STON1: variants seen among roughly 807,000 people sequenced by gnomAD.
The protein encoded by STON1 is stonin-1.
In STON1, 79 loss-of-function variants were observed where a neutral mutation model predicts 60.9. The ratio of observed to expected loss-of-function variants is 1.30; its 90% CI spans 1.08 to 1.56. The LOEUF (loss-of-function observed/expected upper bound fraction) is 1.56. STON1 is among the 40% of genes most tolerant of loss of function. STON1 has a pLI of 0.00. For synonymous variants in STON1, 363 were observed against 306.9 expected (o/e 1.18, Z -1.91); for missense variants, 1,166 against 858.9 (o/e 1.36, Z -4.47).
chr2:48,549,230 T>C (rs1671990520), intron 1 of STON1, among the ~76,000 whole-genome samples: 2 of 152,198 alleles, frequency 1.3e-5, no homozygotes, highest in Admixed American at 6.5e-5. Flanking sequence ...CAGAAGAATT[T>C]ATCAAGTGCT....
chr2:48,579,081 G>A (rs1182526426), intron 1 of STON1, among the ~76,000 whole-genome samples: 1 of 150,790 alleles, frequency 6.6e-6, no homozygotes, highest in Non-Finnish European at 1.5e-5. Context: ...TCTGTTCACT[G>A]CAACCTCTGC....
rs775352255 is a variant in STON1, at chr2:48,581,813, G to C, written c.1180G>C (p.Glu394Gln). The C allele has an allele frequency of 6.2e-7, 1 of 1,614,216 alleles. No homozygotes were observed. Among genetic ancestry groups the C allele is most frequent in the South Asian group, 1.1e-5 (1 of 91,078 alleles). Residue 394 changes from glutamate to glutamine, a missense_variant, in exon 2 of 4, where the codon GAG (glutamate) becomes CAG (glutamine). By Grantham distance (29) the Glu-to-Gln change is conservative. Coordinates refer to ENST00000404752, the MANE Select transcript of STON1 (RefSeq NM_006873.4). ...HDFLDFLTTV[E>Q]EELMKLPAVS... is the part of the protein sequence containing the mutation. ...CTTCCTTGACTTTCTGACTACTGTG[G>C]AGGAGGAGCTGATGAAGTTGCCAGC...
intron 1 of STON1, among the ~76,000 whole-genome samples, chr2:48,544,183 T>C (rs1177518491): frequency 1.4e-5 from 2 of 146,490 alleles, no homozygotes; most frequent in Non-Finnish European, 3.0e-5. Context: ...TTCTCTGGAT[T>C]TTGTGTGTGT....
intron 1 of STON1, among the ~76,000 whole-genome samples, chr2:48,570,988 G>C (rs541913719): frequency 6.6e-6 from 1 of 150,880 alleles, no homozygotes; most frequent in African/African-American, 2.4e-5. Context: ...TCAGCCTCCC[G>C]AGTAGCTGTG....
intron 1 of STON1, among the ~76,000 whole-genome samples, chr2:48,571,042 G>T (rs1673183311): frequency 6.6e-6 from 1 of 151,962 alleles, no homozygotes; most frequent in South Asian, 2.1e-4. Flanking sequence ...TTTTGGTAGA[G>T]ACAGGGTTTC....
At chr2:48,565,725 CTAGAGTAG>C (rs1558608457) in intron 1 of STON1, among the ~76,000 whole-genome samples, 1 of 152,044 alleles carries the variant, frequency 6.6e-6, no homozygotes, top group Non-Finnish European at 1.5e-5. Context: ...GTTCTAAAGG[CTAGAGTAG>C]GGACAGAGGA....
At chr2:48,587,530 A>ACCTG (rs1674281296) in intron 2 of STON1, among the ~76,000 whole-genome samples, 2 of 152,056 alleles carry the variant, frequency 1.3e-5, no homozygotes, top group African/African-American at 4.8e-5. Flanking sequence ...TGACCTCGTG[A>ACCTG]CCTGCCCAGT....
At chr2:48,530,281 C>A (rs868798232) in intron 1 of STON1, 65 bp downstream of exon 1, 4 of 333,556 alleles carry the variant, frequency 1.2e-5, no homozygotes, top group African/African-American at 2.3e-5. Flanking sequence ...AGGGTGGGGC[C>A]TCCCGCCGTG....
chr2:48,558,178 G>A (rs938875387), intron 1 of STON1, among the ~76,000 whole-genome samples: 6 of 152,222 alleles, frequency 3.9e-5, no homozygotes, highest in Admixed American at 1.3e-4. Context: ...AGCCAAGATC[G>A]CACCATTGCA....
At chr2:48,591,613 C>T (rs116718991) in intron 2 of STON1, 40 bp from the exon 3 acceptor site, 22,394 of 1,603,958 alleles carry the variant, frequency 0.014, 172 homozygotes, top group Non-Finnish European at 0.017. Flanking sequence ...GTTCAATGGC[C>T]ATTAAAATAC....
intron 1 of STON1, among the ~76,000 whole-genome samples, chr2:48,568,285 C>T (rs1344740647): frequency 6.6e-6 from 1 of 152,200 alleles, no homozygotes; most frequent in Non-Finnish European, 1.5e-5. Context: ...GTGCTTTTCC[C>T]CACAGATGCA....
chr2:48,558,598 T>C (rs1672480886), intron 1 of STON1, among the ~76,000 whole-genome samples: 1 of 152,358 alleles, frequency 6.6e-6, no homozygotes, highest in South Asian at 2.1e-4. Flanking sequence ...ATCTGCTTAC[T>C]GGGGTGAATA....
chr2:48,547,606 T>C (rs1671916068), intron 1 of STON1, among the ~76,000 whole-genome samples: 1 of 152,216 alleles, frequency 6.6e-6, no homozygotes. Context: ...TTCAGGGATA[T>C]GCTGAAAATG....
intron 1 of STON1, chr2:48,531,715 A>C (rs1288013710): frequency 1.3e-5 from 2 of 152,178 alleles, no homozygotes; most frequent in East Asian, 3.9e-4. Context: ...CCAAGGAGCG[A>C]ACTGTGTGAG....
intron 1 of STON1, among the ~76,000 whole-genome samples, chr2:48,544,902 G>A (rs935497544): frequency 7.2e-5 from 11 of 152,152 alleles, no homozygotes; most frequent in Admixed American, 5.2e-4. Flanking sequence ...ATGTTAACAC[G>A]AACGTAGAGA....
At chr2:48,539,806 T>G (rs2103750108) in intron 1 of STON1, among the ~76,000 whole-genome samples, 1 of 152,232 alleles carries the variant, frequency 6.6e-6, no homozygotes, top group South Asian at 2.1e-4. Flanking sequence ...CACGCCTGAT[T>G]TCAAATTTTA....
intron 1 of STON1, among the ~76,000 whole-genome samples, chr2:48,540,501 A>G (rs1471356651): frequency 6.6e-6 from 1 of 152,210 alleles, no homozygotes; most frequent in African/African-American, 2.4e-5. Context: ...GAATAGCTGA[A>G]CACAGGGAGG....
At chr2:48,541,785 TCTC>T (rs1469466385) in intron 1 of STON1, among the ~76,000 whole-genome samples, 2 of 148,154 alleles carry the variant, frequency 1.3e-5, no homozygotes, top group Admixed American at 6.8e-5. Flanking sequence ...GCATGTGAAA[TCTC>T]CTGCTACTAA....
chr2:48,550,392 G>T (rs1196994859), intron 1 of STON1, among the ~76,000 whole-genome samples: 1 of 151,354 alleles, frequency 6.6e-6, no homozygotes, highest in Non-Finnish European at 1.5e-5. Context: ...AGCTACTTGG[G>T]AGCCTGAGGC....
Sources: gnomAD v4.1 joint callset for allele counts (sites outside exome capture counted in the v4.1 genomes callset) on GRCh38, gnomAD v4.1.1 for gene constraint, MANE v1.5 for transcripts, NCBI Gene and HGNC (gene_info 2026-07-23, HGNC 2026-07-21) for gene names.